The following NELL2 variants were observed in gnomAD, a reference collection of about 807,000 sequenced individuals.
The protein encoded by NELL2 is neural EGFL like 2, also known as protein kinase C-binding protein NELL2.
A neutral mutation model predicts 109.6 loss-of-function variants in NELL2; 41 were observed. The ratio of observed to expected loss-of-function variants is 0.37; its 90% CI spans 0.29 to 0.49. The LOEUF is 0.49. Among genes scored for constraint, NELL2 ranks in the 20% least tolerant of loss-of-function variants. The probability of loss-of-function intolerance (pLI) is 0.98; values close to 1 mark genes in which losing one functional copy is unlikely to be tolerated. For missense variants in NELL2, 900 were observed against 1,008.3 expected (o/e 0.89, Z 1.45); for synonymous variants, 355 against 344.7 (o/e 1.03, Z -0.33).
chr12:44,682,848 AG>A (rs1381982496), intron 12 of NELL2, among the ~76,000 whole-genome samples: 2 of 152,206 alleles, frequency 1.3e-5, no homozygotes, highest in African/African-American at 4.8e-5. Flanking sequence ...GAAGTCAGGT[AG>A]TGTGATGCCT....
At chr12:44,706,718 T>C (rs926884300) in intron 11 of NELL2, among the ~76,000 whole-genome samples, 1 of 152,192 alleles carries the variant, frequency 6.6e-6, no homozygotes, top group Non-Finnish European at 1.5e-5. Flanking sequence ...AAATTAAATA[T>C]GTTGAGATCC....
At chr12:44,747,655 T>G (rs112943017) in intron 9 of NELL2, among the ~76,000 whole-genome samples, 3,176 of 152,134 alleles carry the variant, frequency 0.021, 105 homozygotes, top group African/African-American at 0.07. Flanking sequence ...AACGGTCAAC[T>G]GTAGAAGTAG....
At chr12:44,665,364 A>G in intron 13 of NELL2, 120 bp downstream of exon 13, 1 of 792,432 alleles carries the variant, frequency 1.3e-6, no homozygotes, top group African/African-American at 1.7e-5. Flanking sequence ...AGAAGATATG[A>G]TTTTGCTAAT....
chr12:44,550,569 A>G (rs1170238982), intron 15 of NELL2, among the ~76,000 whole-genome samples: 3 of 150,800 alleles, frequency 2.0e-5, no homozygotes, highest in Non-Finnish European at 3.0e-5. Context: ...ATAAATAAAT[A>G]AATAAATAAA....
intron 13 of NELL2, among the ~76,000 whole-genome samples, chr12:44,614,028 A>G (rs1225191429): frequency 6.6e-6 from 1 of 152,106 alleles, no homozygotes; most frequent in Non-Finnish European, 1.5e-5. Flanking sequence ...GTTTAAGAAG[A>G]GCATGTCAGG....
At chr12:44,706,730 T>C (rs987601553) in intron 11 of NELL2, among the ~76,000 whole-genome samples, 2 of 152,184 alleles carry the variant, frequency 1.3e-5, no homozygotes, top group Admixed American at 1.3e-4. Flanking sequence ...TTGAGATCCA[T>C]AAAAGAAAAT....
intron 2 of NELL2, among the ~76,000 whole-genome samples, chr12:44,845,109 C>T (rs1447068153): frequency 6.6e-6 from 1 of 152,042 alleles, no homozygotes; most frequent in Non-Finnish European, 1.5e-5. Context: ...TAGAAAAATT[C>T]AAAGTATTTG....
chr12:44,907,335 A>T (rs190318152), intron 1 of NELL2, among the ~76,000 whole-genome samples: 6 of 152,154 alleles, frequency 3.9e-5, no homozygotes, highest in African/African-American at 1.2e-4. Flanking sequence ...GCACTCCAAC[A>T]TTAAAAGCTC....
chr12:44,681,493 C>T (rs559555098), intron 12 of NELL2, among the ~76,000 whole-genome samples: 23 of 151,642 alleles, frequency 1.5e-4, no homozygotes, highest in South Asian at 4.2e-4. Flanking sequence ...TGTATACATG[C>T]TCCATGCTGG....
intron 2 of NELL2, among the ~76,000 whole-genome samples, chr12:44,873,642 G>A (rs1945227633): frequency 6.6e-6 from 1 of 151,874 alleles, no homozygotes; most frequent in Admixed American, 6.6e-5. Context: ...ATTCCATAAA[G>A]CTTTCCAGTT....
chr12:44,674,305 T>G (rs1312803139), intron 12 of NELL2, among the ~76,000 whole-genome samples: 2 of 152,114 alleles, frequency 1.3e-5, no homozygotes, highest in African/African-American at 4.8e-5. Context: ...AGTTCCTACA[T>G]TGTAAGTGCC....
intron 9 of NELL2, among the ~76,000 whole-genome samples, chr12:44,749,959 C>T (rs1203917602): frequency 6.6e-6 from 1 of 150,640 alleles, no homozygotes; most frequent in African/African-American, 2.5e-5. Flanking sequence ...ATACGTAAAC[C>T]AGGAAACTAG....
intron 6 of NELL2, 45 bp from the exon 7 acceptor site, chr12:44,777,169 G>A: frequency 1.2e-6 from 2 of 1,607,988 alleles, no homozygotes; most frequent in Non-Finnish European, 8.5e-7. Flanking sequence ...ATTTATAAGG[G>A]GTTCAATCTG....
rs551098825 is a variant in NELL2 at position 44,545,867 on chromosome 12, T to C, written c.1664-13146A>G. The stretch of plus-strand genomic sequence containing the variant: ...CAGGAAAGTCTTACTTTCTATGCCT[T>C]CCAGAGCCATTTTCTAATAGCAAAG... On this transcript the variant is annotated intron_variant, in intron 15 of 19. Transcript: ENST00000429094. 8.5e-5 allele frequency among the ~76,000 whole-genome samples: 13 copies of C among 152,234 alleles called. No homozygotes were observed. In the East Asian group the frequency reaches 2.5e-3, roughly 29 times the overall value.
intron 15 of NELL2, among the ~76,000 whole-genome samples, chr12:44,589,594 T>C (rs1944669083): frequency 6.6e-6 from 1 of 152,166 alleles, no homozygotes; most frequent in Non-Finnish European, 1.5e-5. Context: ...TTGGCCAGGA[T>C]GGTTTCAATC....
chr12:44,810,232 T>C (rs1002140525), intron 3 of NELL2, among the ~76,000 whole-genome samples: 1 of 152,122 alleles, frequency 6.6e-6, no homozygotes, highest in Non-Finnish European at 1.5e-5. Flanking sequence ...ACAGATGTAA[T>C]AGAGTTTGCA....
intron 1 of NELL2, among the ~76,000 whole-genome samples, chr12:44,898,501 T>G (rs1592710973): frequency 6.6e-6 from 1 of 152,142 alleles, no homozygotes; most frequent in African/African-American, 2.4e-5. Context: ...CCAGCAGACC[T>G]GCAGAAGAGG....
intron 2 of NELL2, among the ~76,000 whole-genome samples, chr12:44,818,619 GT>G (rs1358360011): frequency 1.3e-5 from 2 of 150,408 alleles, no homozygotes; most frequent in African/African-American, 4.9e-5. Flanking sequence ...AGGCTGTTTT[GT>G]TGTTTGGTAT....
At chr12:44,562,253 T>C (rs1943493070) in intron 15 of NELL2, among the ~76,000 whole-genome samples, 1 of 152,184 alleles carries the variant, frequency 6.6e-6, no homozygotes. Flanking sequence ...GACATAGGCA[T>C]GGGCAAAGAT....
Sources: allele counts gnomAD v4.1 joint callset (sites outside exome capture counted in the v4.1 genomes callset), GRCh38; gene constraint gnomAD v4.1.1; transcripts MANE v1.5; gene names NCBI Gene and HGNC (gene_info 2026-07-23, HGNC 2026-07-21).